MGAT5: variants seen among roughly 807,000 people sequenced by gnomAD.
MGAT5 encodes alpha-1,6-mannosylglycoprotein 6-beta-N-acetylglucosaminyltransferase A.
Under a neutral mutation model 94.3 loss-of-function variants are expected in MGAT5, and 30 were observed. That is an observed-to-expected ratio of 0.32 (90% CI 0.24 to 0.43). The LOEUF is 0.43. Among genes scored for constraint, MGAT5 ranks in the 20% least tolerant of loss-of-function variants. MGAT5 has a pLI of 1.00. For missense variants in MGAT5, 691 were observed against 905.5 expected (o/e 0.76, Z 3.04); for synonymous variants, 310 against 322.9 (o/e 0.96, Z 0.43).
At chr2:134,434,135 C>T (rs897703892) in intron 14 of MGAT5, among the ~76,000 whole-genome samples, 1 of 152,186 alleles carries the variant, frequency 6.6e-6, no homozygotes, top group African/African-American at 2.4e-5. Flanking sequence ...ACCAAGAGGG[C>T]GTGAACAAGC....
At chr2:134,362,156 C>A (rs898545543) in intron 9 of MGAT5, 119 bp from the exon 10 acceptor site, 3 of 1,212,468 alleles carry the variant, frequency 2.5e-6, no homozygotes, top group Non-Finnish European at 3.5e-6. Context: ...TAAGAAAGAA[C>A]AGGGTAAGAT....
intron 1 of MGAT5, among the ~76,000 whole-genome samples, chr2:134,219,593 A>G (rs1184215092): frequency 2.6e-5 from 4 of 152,168 alleles, no homozygotes; most frequent in African/African-American, 7.2e-5. Flanking sequence ...CAAAGTCACA[A>G]GGCTGGCATG....
intron 9 of MGAT5, among the ~76,000 whole-genome samples, chr2:134,359,570 G>C (rs1164118511): frequency 6.6e-6 from 1 of 152,070 alleles, no homozygotes; most frequent in African/African-American, 2.4e-5. Context: ...TGGGATGGAG[G>C]GATTACTAAA....
rs559977142 is a variant in MGAT5, at chr2:134,426,181, A to G, written c.1795-2184A>G. On this transcript the variant is annotated intron_variant, in intron 13 of 15. Coordinates refer to ENST00000281923, the MANE Select transcript of MGAT5 (RefSeq NM_002410.5). ...GCCCTCACCCACAGGGTCCAGCAATATAGACCTACCTTCTGACTCACCGAC... is the reference window on the plus strand; with the variant it reads ...GCCCTCACCCACAGGGTCCAGCAATGTAGACCTACCTTCTGACTCACCGAC... Among the ~76,000 whole-genome samples, 6 of 152,180 alleles carry G rather than the reference A, an allele frequency of 3.9e-5. No individual in the cohort carries two copies. In the South Asian group the frequency reaches 1.0e-3, roughly 26 times the overall value.
chr2:134,219,574 G>A (rs1055769799), intron 1 of MGAT5, among the ~76,000 whole-genome samples: 5 of 152,182 alleles, frequency 3.3e-5, no homozygotes, highest in Non-Finnish European at 7.3e-5. Context: ...GTGCCCCGGA[G>A]TGCCACAGCA....
intron 1 of MGAT5, among the ~76,000 whole-genome samples, chr2:134,206,137 A>C (rs1680011433): frequency 6.6e-6 from 1 of 152,132 alleles, no homozygotes; most frequent in African/African-American, 2.4e-5. Flanking sequence ...ATTGAGAGGA[A>C]TTTTCTGAAA....
rs539717321 is a variant in MGAT5 at position 134,169,445 on chromosome 2, T to C, written c.-143+49154T>C. ...ACACACACACACACACACACATATA[T>C]AAAAGATTGAATTGTACTTCCATGA... On this transcript the variant is annotated intron_variant, in intron 1 of 16. Transcript: ENST00000409645. Among the ~76,000 whole-genome samples the C allele has an allele frequency of 3.4e-5, 5 of 149,114 alleles. No individual in the cohort carries two copies. In the East Asian group the frequency reaches 5.9e-4, roughly 18 times the overall value.
intron 13 of MGAT5, among the ~76,000 whole-genome samples, chr2:134,425,682 G>A (rs1037749792): frequency 3.9e-5 from 6 of 152,140 alleles, no homozygotes; most frequent in Non-Finnish European, 8.8e-5. Context: ...GGCTTCTCAT[G>A]GAGGCTGATC....
intron 2 of MGAT5, among the ~76,000 whole-genome samples, chr2:134,313,544 G>A (rs1041369788): frequency 4.6e-5 from 7 of 152,060 alleles, no homozygotes; most frequent in Admixed American, 6.6e-5. Flanking sequence ...GGATTAAACC[G>A]AATCCTAAAC....
At chr2:134,338,743 A>G (rs893344972) in intron 6 of MGAT5, among the ~76,000 whole-genome samples, 4 of 152,064 alleles carry the variant, frequency 2.6e-5, no homozygotes, top group Non-Finnish European at 4.4e-5. Context: ...AGAGCTTCCT[A>G]TTATATCATC....
chr2:134,395,310 T>G (rs1682643893), intron 10 of MGAT5, among the ~76,000 whole-genome samples: 1 of 152,196 alleles, frequency 6.6e-6, no homozygotes, highest in African/African-American at 2.4e-5. Flanking sequence ...CCAGGGTCCT[T>G]TAAGAGCCAT....
In MGAT5 at chr2:134,235,707, A is replaced by G. The variant is rs527554400; in HGVS notation, c.-142-18555A>G. Among the ~76,000 whole-genome samples, 13 of 150,280 alleles carry G rather than the reference A, an allele frequency of 8.7e-5. No individual in the cohort carries two copies. The South Asian group carries it at 2.5e-3, about 29-fold the overall frequency. ...CTGCTGTACTGCTGTAGGGATTTAA[A>G]TCATTGTAATAATAATAGGGGTTTT... On this transcript the variant is annotated intron_variant, in intron 1 of 16. Transcript: ENST00000409645.
chr2:134,172,341 G>A (rs536775143), intron 1 of MGAT5, among the ~76,000 whole-genome samples: 10 of 151,730 alleles, frequency 6.6e-5, no homozygotes, highest in African/African-American at 2.4e-4. Flanking sequence ...TCAATTCTGA[G>A]CATATTTTAT....
At chr2:134,387,754 A>C (rs1355736392) in intron 10 of MGAT5, among the ~76,000 whole-genome samples, 3 of 152,128 alleles carry the variant, frequency 2.0e-5, no homozygotes, top group Non-Finnish European at 2.9e-5. Context: ...GGTGAAGGGG[A>C]ACAAAAAAAG....
intron 2 of MGAT5, among the ~76,000 whole-genome samples, chr2:134,294,124 G>A (rs924440175): frequency 2.6e-5 from 4 of 152,152 alleles, no homozygotes; most frequent in African/African-American, 9.7e-5. Context: ...GGAGGCAAAT[G>A]GAGGAGAGAG....
intron 1 of MGAT5, among the ~76,000 whole-genome samples, chr2:134,205,665 G>A (rs1226009855): frequency 6.6e-6 from 1 of 152,146 alleles, no homozygotes; most frequent in Non-Finnish European, 1.5e-5. Flanking sequence ...TTCAGTTGAG[G>A]GGTCAAGGAT....
chr2:134,389,167 A>T (rs1682238879), intron 10 of MGAT5, among the ~76,000 whole-genome samples: 1 of 152,204 alleles, frequency 6.6e-6, no homozygotes, highest in Non-Finnish European at 1.5e-5. Context: ...TCTTCATGTT[A>T]GCAGCCATTA....
chr2:134,440,642 G>A (rs967465105), intron 14 of MGAT5, among the ~76,000 whole-genome samples: 2 of 152,196 alleles, frequency 1.3e-5, no homozygotes, highest in Non-Finnish European at 2.9e-5. Context: ...ACAAATTATT[G>A]TACAATAAAA....
At chr2:134,250,107 T>C (rs559705127), upstream of MGAT5, among the ~76,000 whole-genome samples, 1 of 152,338 alleles carries the variant, frequency 6.6e-6, no homozygotes, top group African/African-American at 2.4e-5. Flanking sequence ...AGGTTGAAGA[T>C]GATTTTGTTG....
Sources: gnomAD v4.1 joint callset for allele counts (sites outside exome capture counted in the v4.1 genomes callset) on GRCh38, gnomAD v4.1.1 for gene constraint, MANE v1.5 for transcripts, NCBI Gene and HGNC (gene_info 2026-07-23, HGNC 2026-07-21) for gene names.